The following TUNAR variants were observed in gnomAD, a reference collection of about 807,000 sequenced individuals.
TUNAR encodes protein TUNAR.
chr14:95,920,805 G>C (rs181453417), intron 2 of TUNAR, among the ~76,000 whole-genome samples: 2 of 152,160 alleles, frequency 1.3e-5, no homozygotes, highest in Non-Finnish European at 2.9e-5. Flanking sequence ...TCCTGGATAT[G>C]TGCCCTAAGA....
chr14:95,894,130 C>T (rs767727369), intron 2 of TUNAR, among the ~76,000 whole-genome samples: 1 of 152,222 alleles, frequency 6.6e-6, no homozygotes, highest in African/African-American at 2.4e-5. Flanking sequence ...GCTGGGTTAG[C>T]GTCTGGCTTC....
chr14:95,878,237 A>G (rs1888921867), intron 2 of TUNAR, among the ~76,000 whole-genome samples: 1 of 152,258 alleles, frequency 6.6e-6, no homozygotes, highest in Non-Finnish European at 1.5e-5. Context: ...TGCCTGATGC[A>G]TGCCCCCAGT....
chr14:95,878,516 C>T (rs929511636), intron 2 of TUNAR, among the ~76,000 whole-genome samples: 6 of 151,960 alleles, frequency 3.9e-5, no homozygotes, highest in Non-Finnish European at 5.9e-5. Context: ...CAAGGGTGGA[C>T]TGACCAGCCC....
At chr14:95,910,062 C>T (rs1276837364) in intron 2 of TUNAR, among the ~76,000 whole-genome samples, 2 of 152,198 alleles carry the variant, frequency 1.3e-5, no homozygotes, top group African/African-American at 4.8e-5. Context: ...TAAATCGCAA[C>T]TCGGTGTATG....
chr14:95,892,100 CAGTT>C lies in TUNAR; in HGVS notation c.12+14926_12+14929del, dbSNP rs533731900. Among the ~76,000 whole-genome samples the C allele has an allele frequency of 7.7e-4, 117 of 152,352 alleles. 1 individual carries two copies. The highest frequency in any genetic ancestry group is 5.8e-3 in the South Asian group (28 of 4,830). On this transcript the variant is annotated intron_variant, in intron 2 of 2. Coordinates refer to ENST00000678517, the Ensembl canonical transcript of TUNAR. ...TTCCAAACAAAGTCACAGGTACTAA[CAGTT>C]AGGACTTGAGCATATCTTTTGGGGG...
chr14:95,883,480 G>C (rs186259022), intron 2 of TUNAR, among the ~76,000 whole-genome samples: 1 of 152,214 alleles, frequency 6.6e-6, no homozygotes, highest in Non-Finnish European at 1.5e-5. Context: ...ACTAGCTCTG[G>C]TCCAGGCACT....
intron 2 of TUNAR, among the ~76,000 whole-genome samples, chr14:95,878,088 C>T (rs949129873): frequency 6.6e-6 from 1 of 152,190 alleles, no homozygotes; most frequent in African/African-American, 2.4e-5. Context: ...TTAACCGGAG[C>T]GGGGGCTGAT....
At chr14:95,893,116 A>G (rs1346549789) in intron 2 of TUNAR, among the ~76,000 whole-genome samples, 1 of 152,166 alleles carries the variant, frequency 6.6e-6, no homozygotes, top group Non-Finnish European at 1.5e-5. Context: ...AGAGGAGACC[A>G]GAGAGAGGGA....
At chr14:95,884,852 G>A (rs1248157354) in intron 2 of TUNAR, among the ~76,000 whole-genome samples, 1 of 152,094 alleles carries the variant, frequency 6.6e-6, no homozygotes, top group East Asian at 1.9e-4. Flanking sequence ...GAAACAATGT[G>A]GTCTGGAAAG....
chr14:95,909,583 G>A (rs1889481040), intron 2 of TUNAR, among the ~76,000 whole-genome samples: 2 of 152,122 alleles, frequency 1.3e-5, no homozygotes, highest in Non-Finnish European at 1.5e-5. Context: ...GTGCCCGGCC[G>A]CTGCCATCTC....
chr14:95,922,872 G>A, exon 3 of TUNAR: 2 of 399,084 alleles, frequency 5.0e-6, no homozygotes, highest in East Asian at 3.6e-5. Context: ...GAAAAAGAAA[G>A]TAAAGAGGAG....
At chr14:95,920,067 T>C (rs796122188) in intron 2 of TUNAR, among the ~76,000 whole-genome samples, 5 of 152,346 alleles carry the variant, frequency 3.3e-5, no homozygotes, top group African/African-American at 1.2e-4. Context: ...TCCAGTGGAA[T>C]ACTGTTCACA....
intron 2 of TUNAR, 143 bp from the exon 2 acceptor site, chr14:95,922,638 C>T: frequency 2.6e-6 from 1 of 391,958 alleles, no homozygotes; most frequent in Non-Finnish European, 4.5e-6. Flanking sequence ...GCAAGGTGTC[C>T]CAAGGTAGGA....
intron 2 of TUNAR, among the ~76,000 whole-genome samples, chr14:95,905,740 AG>A (rs1208327369): frequency 2.6e-5 from 4 of 152,216 alleles, no homozygotes; most frequent in African/African-American, 9.6e-5. Context: ...ATCCATCGGT[AG>A]ATCTTGTCCA....
chr14:95,918,772 G>A (rs1198211611), intron 2 of TUNAR, among the ~76,000 whole-genome samples: 1 of 152,188 alleles, frequency 6.6e-6, no homozygotes, highest in Non-Finnish European at 1.5e-5. Flanking sequence ...CATGACAGGC[G>A]CTTTGTTTTG....
chr14:95,887,614 A>C (rs1455332770), intron 2 of TUNAR, among the ~76,000 whole-genome samples: 4 of 152,242 alleles, frequency 2.6e-5, no homozygotes, highest in African/African-American at 4.8e-5. Flanking sequence ...CCCCAAACTT[A>C]GTAAATATAT....
chr14:95,904,711 C>G (rs1184080697), intron 2 of TUNAR, among the ~76,000 whole-genome samples: 1 of 152,218 alleles, frequency 6.6e-6, no homozygotes, highest in Non-Finnish European at 1.5e-5. Context: ...GGAGCCCCTT[C>G]CAGGCCTCGG....
At chr14:95,885,238 C>T (rs1889057020) in intron 2 of TUNAR, among the ~76,000 whole-genome samples, 1 of 152,188 alleles carries the variant, frequency 6.6e-6, no homozygotes, top group South Asian at 2.1e-4. Context: ...TTTTCACGCT[C>T]AGCATCAATC....
intron 2 of TUNAR, among the ~76,000 whole-genome samples, chr14:95,879,535 T>G (rs1050392683): frequency 4.6e-5 from 7 of 152,222 alleles, no homozygotes; most frequent in African/African-American, 1.7e-4. Context: ...GTGTCATAGA[T>G]CATACTACTC....
Sources: gnomAD v4.1 joint callset for allele counts (sites outside exome capture counted in the v4.1 genomes callset) on GRCh38, gnomAD v4.1.1 for gene constraint, MANE v1.5 for transcripts, NCBI Gene and HGNC (gene_info 2026-07-23, HGNC 2026-07-21) for gene names.